MBNL2: variants seen among roughly 807,000 people sequenced by gnomAD.
MBNL2 encodes the protein muscleblind like splicing regulator 2, also known as muscleblind-like protein 2.
In MBNL2, 17 loss-of-function variants were observed where a neutral mutation model predicts 41.9. That is an observed-to-expected ratio of 0.41 (90% CI 0.28 to 0.61). The LOEUF (loss-of-function observed/expected upper bound fraction) is 0.61, where lower values mean the gene tolerates loss of function less well. MBNL2 is among the 20% of genes least tolerant of loss of function. The probability of loss-of-function intolerance (pLI) is 0.35; values close to 1 mark genes in which losing one functional copy is unlikely to be tolerated. For missense variants in MBNL2, 336 were observed against 505.6 expected, an observed-to-expected ratio of 0.66 and a Z score of 3.22; for synonymous variants, 195 against 182.9, an observed-to-expected ratio of 1.07 and a Z score of -0.53.
At chr13:97,362,524 G>A (rs1469777230) in intron 7 of MBNL2, among the ~76,000 whole-genome samples, 2 of 152,158 alleles carry the variant, frequency 1.3e-5, no homozygotes, top group African/African-American at 2.4e-5. Context: ...TAGGGCAAAT[G>A]TGTAATGTGT....
intron 1 of MBNL2, among the ~76,000 whole-genome samples, chr13:97,269,771 C>T (rs2050552424): frequency 6.6e-6 from 1 of 152,010 alleles, no homozygotes; most frequent in Non-Finnish European, 1.5e-5. Flanking sequence ...GATAAGAGGT[C>T]CAGGTACTGC....
chr13:97,174,364 C>A, the MBNL2 span, among the ~76,000 whole-genome samples: 1 of 152,188 alleles, frequency 6.6e-6, no homozygotes, highest in African/African-American at 2.4e-5. Flanking sequence ...CTATTCCTTA[C>A]CTCTACTCGC....
chr13:97,326,524 C>A (rs977737314), intron 2 of MBNL2, among the ~76,000 whole-genome samples: 1 of 152,136 alleles, frequency 6.6e-6, no homozygotes, highest in South Asian at 2.1e-4. Flanking sequence ...AAATAATAAA[C>A]AGAAAGAGCT....
At chr13:97,304,794 C>T (rs1429178327) in intron 2 of MBNL2, among the ~76,000 whole-genome samples, 1 of 152,158 alleles carries the variant, frequency 6.6e-6, no homozygotes, top group East Asian at 1.9e-4. Flanking sequence ...GTTACAAATA[C>T]ATTATTACAT....
chr13:97,336,837 A>C (rs551237609), intron 3 of MBNL2, among the ~76,000 whole-genome samples: 66 of 152,346 alleles, frequency 4.3e-4, no homozygotes, highest in African/African-American at 1.5e-3. Flanking sequence ...TGCATAAGAC[A>C]AGTCAATTGA....
At position 97,268,404 on chromosome 13, in the gene MBNL2, A is replaced by T. The variant is rs2050269384; in HGVS notation, c.-604-7228A>T. Among the ~76,000 whole-genome samples the T allele has an allele frequency of 6.6e-6, 1 of 152,046 alleles. No homozygotes were observed. The highest frequency in any genetic ancestry group is 2.4e-5 in the African/African-American group (1 of 41,404). On this transcript the variant is annotated intron_variant, in intron 1 of 8. Coordinates refer to ENST00000679496, the MANE Select transcript of MBNL2 (RefSeq NM_001382683.1). The surrounding 1 kb of genome is among the most constrained non-coding windows in gnomAD (Gnocchi z 4.6). ...GTGTGAGCCACTGCGCCGGGCCGAG[A>T]GTGTGCATTCCTAACAAGATCCCAG...
At chr13:97,162,049 G>A in the MBNL2 span, among the ~76,000 whole-genome samples, 4 of 152,108 alleles carry the variant, frequency 2.6e-5, no homozygotes, top group African/African-American at 9.7e-5. Context: ...CAATCATGGA[G>A]GACAGCAAAG....
At chr13:97,250,042 C>CT (rs1043307232) in intron 1 of MBNL2, among the ~76,000 whole-genome samples, 1 of 152,276 alleles carries the variant, frequency 6.6e-6, no homozygotes, top group East Asian at 1.9e-4. Flanking sequence ...TCTTTCTCAG[C>CT]TTTTTTTGGA....
intron 2 of MBNL2, among the ~76,000 whole-genome samples, chr13:97,312,174 C>T (rs901871079): frequency 6.6e-6 from 1 of 152,164 alleles, no homozygotes; most frequent in Non-Finnish European, 1.5e-5. Flanking sequence ...AACAGTTGCT[C>T]CAGCCTTTGG....
chr13:97,176,370 A>C, the MBNL2 span, among the ~76,000 whole-genome samples: 3 of 152,180 alleles, frequency 2.0e-5, no homozygotes, highest in Non-Finnish European at 4.4e-5. Context: ...ACCCTGGCCA[A>C]GGTCCCAGGG....
chr13:97,270,162 T>A (rs1214288522), intron 1 of MBNL2, among the ~76,000 whole-genome samples: 1 of 152,142 alleles, frequency 6.6e-6, no homozygotes, highest in Non-Finnish European at 1.5e-5. Context: ...TGTTGACTAA[T>A]AGAAGAAATG....
chr13:97,228,668 C>T (rs113612281), intron 1 of MBNL2, among the ~76,000 whole-genome samples: 5,160 of 151,252 alleles, frequency 0.034, 132 homozygotes, highest in South Asian at 0.12. Context: ...TAGCTGGGAT[C>T]ACAGGCGTGT....
intron 1 of MBNL2, among the ~76,000 whole-genome samples, chr13:97,269,443 AG>A: frequency 6.6e-6 from 1 of 152,276 alleles, no homozygotes; most frequent in Non-Finnish European, 1.5e-5. Flanking sequence ...CATTATTAAC[AG>A]GGGCACCTCT....
intron 7 of MBNL2, among the ~76,000 whole-genome samples, chr13:97,362,082 G>GA (rs1181799809): frequency 6.6e-6 from 1 of 151,864 alleles, no homozygotes; most frequent in African/African-American, 2.4e-5. Flanking sequence ...ATTTTTTTAT[G>GA]AGTACAAGTT....
intron 1 of MBNL2, among the ~76,000 whole-genome samples, chr13:97,225,166 G>C (rs564738256): frequency 6.6e-6 from 1 of 152,174 alleles, no homozygotes; most frequent in Non-Finnish European, 1.5e-5. Context: ...CCAGTCCCGC[G>C]CTCAGGGAGT....
At chr13:97,333,635 C>T (rs1468745089) in intron 2 of MBNL2, among the ~76,000 whole-genome samples, 2 of 152,122 alleles carry the variant, frequency 1.3e-5, no homozygotes, top group African/African-American at 2.4e-5. Flanking sequence ...CACACTATTG[C>T]CTCTTCATCC....
chr13:97,321,862 C>T (rs762430367), intron 2 of MBNL2, among the ~76,000 whole-genome samples: 2 of 152,144 alleles, frequency 1.3e-5, no homozygotes, highest in Admixed American at 6.5e-5. Flanking sequence ...TAGCTGTATG[C>T]CCATGGAAAG....
At chr13:97,292,562 T>C (rs539906486) in intron 2 of MBNL2, among the ~76,000 whole-genome samples, 16 of 152,346 alleles carry the variant, frequency 1.1e-4, no homozygotes, top group African/African-American at 3.6e-4. Context: ...TCATTTGTTT[T>C]TTAGAATTAT....
intron 8 of MBNL2, among the ~76,000 whole-genome samples, chr13:97,390,187 C>G (rs1464289972): frequency 2.0e-5 from 3 of 152,096 alleles, no homozygotes; most frequent in African/African-American, 7.2e-5. Context: ...CTCTACACAT[C>G]TGTCTGTTTC....
Sources: allele counts gnomAD v4.1 joint callset (sites outside exome capture counted in the v4.1 genomes callset), GRCh38; gene constraint gnomAD v4.1.1; non-coding constraint Gnocchi (gnomAD v3.1); transcripts MANE v1.5; gene names NCBI Gene and HGNC (gene_info 2026-07-23, HGNC 2026-07-21).